RXFP1: variants seen among roughly 807,000 people sequenced by gnomAD.
The protein encoded by RXFP1 is relaxin family peptide receptor 1.
RXFP1 carries 73 observed loss-of-function variants against 89.8 expected under a neutral mutation model. That is an observed-to-expected ratio of 0.81 (90% CI 0.67 to 0.99). RXFP1 has a LOEUF of 0.99. Ranked by LOEUF, RXFP1 falls within the 50% of genes least tolerant of loss-of-function variation. The pLI is 0.00. For missense variants in RXFP1, 793 were observed against 895.5 expected, an observed-to-expected ratio of 0.89 and a Z score of 1.46; for synonymous variants, 277 against 305.5, an observed-to-expected ratio of 0.91 and a Z score of 0.97.
At chr4:158,594,213 T>A (rs1760083276) in intron 3 of RXFP1, among the ~76,000 whole-genome samples, 1 of 152,226 alleles carries the variant, frequency 6.6e-6, no homozygotes, top group South Asian at 2.1e-4. Flanking sequence ...ACAGCCTCTA[T>A]ACAGACTGTT....
intron 12 of RXFP1, among the ~76,000 whole-genome samples, chr4:158,635,037 G>C (rs1270059459): frequency 6.6e-6 from 1 of 151,766 alleles, no homozygotes; most frequent in East Asian, 1.9e-4. Flanking sequence ...ATGAATTTTA[G>C]GATGGATTTT....
chr4:158,651,060 A>G (rs1415518939), intron 17 of RXFP1, among the ~76,000 whole-genome samples: 3 of 152,152 alleles, frequency 2.0e-5, no homozygotes, highest in Non-Finnish European at 2.9e-5. Context: ...GGAGGTCAAG[A>G]CTGCAGTGAG....
At chr4:158,580,073 G>A (rs1167157549) in intron 2 of RXFP1, among the ~76,000 whole-genome samples, 1 of 152,206 alleles carries the variant, frequency 6.6e-6, no homozygotes, top group Non-Finnish European at 1.5e-5. Flanking sequence ...GAGGCATCAG[G>A]CCAGAGCCTT....
rs149977108 is a variant in RXFP1 at position 158,551,285 on chromosome 4, T to C, written c.50-21413T>C. Reference sequence around the variant, plus strand: ...TAGCCAAACTCATAGAAGTAGAGAGTCGAGTGGGGAGTACCAGGGTCTGGG... The same window carrying C: ...TAGCCAAACTCATAGAAGTAGAGAGCCGAGTGGGGAGTACCAGGGTCTGGG... On this transcript the variant is annotated intron_variant, in intron 1 of 17. Coordinates refer to ENST00000307765, the MANE Select transcript of RXFP1 (RefSeq NM_021634.4). Among the ~76,000 whole-genome samples the C allele has an allele frequency of 5.9e-5, 9 of 151,950 alleles. No individual in the cohort carries two copies. The East Asian group carries it at 1.7e-3, about 29-fold the overall frequency.
intron 1 of RXFP1, among the ~76,000 whole-genome samples, chr4:158,567,344 A>T (rs1753806087): frequency 6.6e-6 from 1 of 152,202 alleles, no homozygotes; most frequent in Admixed American, 6.5e-5. Context: ...CGATCCACTG[A>T]GTGAAGCCAG....
chr4:158,646,493 C>G, intron 15 of RXFP1: 9 of 1,262,528 alleles, frequency 7.1e-6, no homozygotes, highest in Non-Finnish European at 9.1e-6. Flanking sequence ...TTCGACACTT[C>G]TATGTGATGG....
intron 1 of RXFP1, among the ~76,000 whole-genome samples, chr4:158,536,264 ACTCT>A (rs1418956759): frequency 7.9e-5 from 12 of 152,198 alleles, no homozygotes; most frequent in South Asian, 2.1e-4. Flanking sequence ...ATATAATTTT[ACTCT>A]CTCTATTTTA....
At chr4:158,597,114 C>T (rs1760778471) in intron 3 of RXFP1, among the ~76,000 whole-genome samples, 1 of 152,052 alleles carries the variant, frequency 6.6e-6, no homozygotes, top group Non-Finnish European at 1.5e-5. Context: ...AATAGAATGG[C>T]AAGTGTAGTG....
intron 4 of RXFP1, among the ~76,000 whole-genome samples, chr4:158,602,383 A>G (rs1219443896): frequency 6.6e-6 from 1 of 152,146 alleles, no homozygotes; most frequent in African/African-American, 2.4e-5. Flanking sequence ...GTTCTCTCGT[A>G]GAACCTCACT....
chr4:158,611,596 T>C (rs1561124297), intron 6 of RXFP1, among the ~76,000 whole-genome samples: 2 of 152,230 alleles, frequency 1.3e-5, no homozygotes, highest in South Asian at 2.1e-4. Flanking sequence ...GAATAGCTCC[T>C]GCCTGTTCTT....
chr4:158,640,862 A>G (rs1214770693), intron 14 of RXFP1, among the ~76,000 whole-genome samples: 1 of 152,238 alleles, frequency 6.6e-6, no homozygotes, highest in Admixed American at 6.5e-5. Flanking sequence ...CCCATATATC[A>G]AGGCATGATT....
chr4:158,543,984 G>C (rs191234600), intron 1 of RXFP1: 4 of 985,254 alleles, frequency 4.1e-6, no homozygotes, highest in African/African-American at 1.7e-5. Flanking sequence ...GCCATGTTTC[G>C]TCCATTTTGC....
At chr4:158,556,288 C>A (rs566930525) in intron 1 of RXFP1, among the ~76,000 whole-genome samples, 14 of 149,788 alleles carry the variant, frequency 9.3e-5, no homozygotes, top group African/African-American at 3.2e-4. Flanking sequence ...CAAAGAAAGA[C>A]CTACAAATGG....
Position 158,608,029 on chromosome 4 carries a change from T to C in RXFP1, c.522T>C (p.Asn174=). Residue 174 remains asparagine (N), a synonymous_variant, in exon 6 of 18, where the codon AAT becomes AAC. Transcript: ENST00000307765. The part of the protein sequence containing the change: ...SISIYAFRGL[N]SLTKLYLSHN... ...CCATCTATGCTTTCAGAGGACTGAA[T>C]AGCCTTACTAAACTGTAAGTACCAG... The C allele has an allele frequency of 6.2e-7, 1 of 1,602,364 alleles. No individual in the cohort carries two copies. Among genetic ancestry groups the C allele is most frequent in the Non-Finnish European group, 8.5e-7 (1 of 1,170,318 alleles).
At position 158,549,135 on chromosome 4, in the gene RXFP1, A is replaced by G. The variant is rs559194763; in HGVS notation, c.50-23563A>G. Among the ~76,000 whole-genome samples the G allele has an allele frequency of 3.4e-3, 519 of 151,364 alleles. 1 individual carries two copies. Among genetic ancestry groups the G allele is most frequent in the African/African-American group, 0.012 (488 of 41,220 alleles). ...TTTCACATAGTCCCATATTTCTTGG[A>G]GGCTTTGTTCGTTTCTTTTTATTCT... is the stretch of plus-strand genomic sequence containing the variant. On this transcript the variant is annotated intron_variant, in intron 1 of 17. Coordinates refer to ENST00000307765, the MANE Select transcript of RXFP1 (RefSeq NM_021634.4).
rs552294500 is a variant in RXFP1, at chr4:158,544,764, A to G, written c.49+22739A>G. On this transcript the variant is annotated intron_variant, in intron 1 of 17. Coordinates refer to ENST00000307765, the MANE Select transcript of RXFP1 (RefSeq NM_021634.4). ...TTTCCAGTTTCATCCATGTCCCTAA[A>G]AAGGACATGAACTCTTCATTTTTTA... Among the ~76,000 whole-genome samples, 9 of 152,276 alleles carry G rather than the reference A, an allele frequency of 5.9e-5. No individual in the cohort carries two copies. The East Asian group carries it at 1.7e-3, about 29-fold the overall frequency.
intron 12 of RXFP1, among the ~76,000 whole-genome samples, chr4:158,637,602 T>G (rs1176748548): frequency 6.6e-6 from 1 of 152,198 alleles, no homozygotes; most frequent in Non-Finnish European, 1.5e-5. Context: ...TCTTGCTGAG[T>G]TGTTTGAGTT....
chr4:158,580,280 T>C (rs1156255024), intron 2 of RXFP1, among the ~76,000 whole-genome samples: 1 of 152,122 alleles, frequency 6.6e-6, no homozygotes, highest in Non-Finnish European at 1.5e-5. Context: ...TCTGGATTGG[T>C]TAGTTTGCAT....
chr4:158,614,765 G>A (rs762781296), intron 8 of RXFP1, among the ~76,000 whole-genome samples: 3 of 152,054 alleles, frequency 2.0e-5, no homozygotes, highest in Non-Finnish European at 4.4e-5. Flanking sequence ...TTTCCTTCAA[G>A]AATTGTCCTT....
Sources: gnomAD v4.1 joint callset for allele counts (sites outside exome capture counted in the v4.1 genomes callset) on GRCh38, gnomAD v4.1.1 for gene constraint, MANE v1.5 for transcripts, NCBI Gene and HGNC (gene_info 2026-07-23, HGNC 2026-07-21) for gene names.